SERINC2: variants seen among roughly 807,000 people sequenced by gnomAD.
SERINC2 encodes serine incorporator 2.
SERINC2 carries 56 observed loss-of-function variants against 54.2 expected under a neutral mutation model. The observed-to-expected ratio is 1.03, with a 90% confidence interval of 0.83 to 1.29. SERINC2 has a LOEUF of 1.29. SERINC2 is among the 50% of genes most tolerant of loss of function. The pLI is 0.00. For missense variants in SERINC2, 614 were observed against 607.4 expected, an observed-to-expected ratio of 1.01 and a Z score of -0.12; for synonymous variants, 272 against 253.1, an observed-to-expected ratio of 1.07 and a Z score of -0.71.
upstream of SERINC2, among the ~76,000 whole-genome samples, chr1:31,412,208 A>T (rs540725097): frequency 7.2e-5 from 11 of 152,218 alleles, no homozygotes; most frequent in Admixed American, 5.9e-4. Context: ...CCCTAACATT[A>T]TCTTGTCCAG....
chr1:31,432,442 G>A (rs1641332030), intron 8 of SERINC2, among the ~76,000 whole-genome samples: 1 of 151,994 alleles, frequency 6.6e-6, no homozygotes, highest in African/African-American at 2.4e-5. Flanking sequence ...TTTAGTGTAA[G>A]CATGAAGGAA....
intron 1 of SERINC2, among the ~76,000 whole-genome samples, chr1:31,416,698 T>G (rs1430239550): frequency 2.0e-5 from 3 of 152,312 alleles, no homozygotes; most frequent in Admixed American, 1.3e-4. Context: ...TCAAGGAGTT[T>G]GTATGTTATT....
rs1553133727 is a variant in SERINC2, at chr1:31,426,773, C to G, written c.730C>G (p.Leu244Val). The change falls in exon 6 of 10, where the codon CTC (leucine) becomes GTC (valine). Residue 244 changes from leucine (L) to valine (V), a missense_variant. Transcript: ENST00000373709. Reference protein sequence around the residue: ...HEGKVFISLNLTFCVCVSIAA... With the variant: ...HEGKVFISLNVTFCVCVSIAA... The stretch of plus-strand genomic sequence containing the variant: ...GGGCAAGGTCTTCATCAGCCTCAAC[C>G]TCACCTTCTGTGTCTGCGTGTCCAT... 6.2e-7 allele frequency: 1 copy of G among 1,614,172 alleles called. No homozygotes were observed. The highest frequency in any genetic ancestry group is 1.7e-5 in the Admixed American group (1 of 60,018).
chr1:31,426,153 T>C (rs1321820851), intron 5 of SERINC2: 1 of 505,010 alleles, frequency 2.0e-6, no homozygotes, highest in Non-Finnish European at 3.5e-6. Context: ...TGTTTGGGGG[T>C]TCCTGCAGGG....
rs572067699 is a variant in SERINC2 at position 31,425,316 on chromosome 1, G to A, written c.393-14G>A. 13 of 1,600,870 alleles carry A rather than the reference G, an allele frequency of 8.1e-6. No individual in the cohort carries two copies. Among genetic ancestry groups the A allele is most frequent in the African/African-American group, 1.3e-5 (1 of 74,888 alleles). On this transcript the variant is annotated splice_polypyrimidine_tract_variant and intron_variant, in intron 3 of 9. Transcript: ENST00000373709. ...CACTCAGCTTCCTTGTCCATTCCCCGACCCCTTCTGTAGGTTTTGGTTCTT... is the reference window on the plus strand; with the variant it reads ...CACTCAGCTTCCTTGTCCATTCCCCAACCCCTTCTGTAGGTTTTGGTTCTT...
chr1:31,427,231 AC>A (rs1472379719), intron 6 of SERINC2, among the ~76,000 whole-genome samples: 5 of 152,094 alleles, frequency 3.3e-5, no homozygotes, highest in Non-Finnish European at 7.4e-5. Context: ...ATTCCTAGAC[AC>A]CTCTGGAAGT....
chr1:31,430,885 G>A (rs963076320), intron 8 of SERINC2, among the ~76,000 whole-genome samples: 27 of 152,176 alleles, frequency 1.8e-4, no homozygotes, highest in African/African-American at 5.1e-4. Flanking sequence ...TGATCTCCCC[G>A]ATCCATCCAT....
intron 8 of SERINC2, among the ~76,000 whole-genome samples, chr1:31,431,099 C>T (rs1553134396): frequency 6.6e-6 from 1 of 151,400 alleles, no homozygotes; most frequent in Admixed American, 6.6e-5. Context: ...TCTCCTCTCC[C>T]CTCCCCTCCC....
At chr1:31,432,023 GGGTGGAC>G (rs1641261673) in intron 8 of SERINC2, among the ~76,000 whole-genome samples, 2 of 127,376 alleles carry the variant, frequency 1.6e-5, no homozygotes, top group African/African-American at 3.3e-5. Context: ...AGGGTGGACA[GGGTGGAC>G]AGGGTGGACA....
At chr1:31,432,066 C>CAGGGTGGTTAGGGTGGAT (rs1641273373) in intron 8 of SERINC2, among the ~76,000 whole-genome samples, 4 of 15,764 alleles carry the variant, frequency 2.5e-4, no homozygotes, top group Non-Finnish European at 4.7e-4. Flanking sequence ...ACAGGGTGGA[C>CAGGGTGGTTAGGGTGGAT]AGGGTGGACA....
intron 1 of SERINC2, among the ~76,000 whole-genome samples, chr1:31,418,866 C>G (rs560792577): frequency 3.3e-5 from 5 of 152,120 alleles, no homozygotes; most frequent in Non-Finnish European, 5.9e-5. Flanking sequence ...GTCTGCCTTG[C>G]CTTGGGAGGT....
chr1:31,410,164 G>T (rs1640624029), upstream of SERINC2: 2 of 1,432,874 alleles, frequency 1.4e-6, no homozygotes, highest in African/African-American at 1.4e-5. Flanking sequence ...GAGTGGTTGG[G>T]TGACTTGCCA....
Position 31,413,883 on chromosome 1 carries a change from G to A in SERINC2, c.39+579G>A. The stretch of plus-strand genomic sequence containing the variant: ...TTTGTCCGTCTGCTGTCTTCTGTCC[G>A]TCTGCCCGTCCGCCCGTCCGTCCCT... On this transcript the variant is annotated intron_variant, in intron 1 of 9. Transcript: ENST00000373709. The surrounding 1 kb of genome is among the most constrained non-coding windows in gnomAD (Gnocchi z 5.0). 1 of 1,446,694 alleles carries A rather than the reference G, an allele frequency of 6.9e-7. No homozygotes were observed. The highest frequency in any genetic ancestry group is 2.9e-5 in the East Asian group (1 of 34,346). 89.6% of individuals were successfully genotyped at this position (1,446,694 alleles called of 1,614,324 possible).
rs782350158 is a variant in SERINC2 at position 31,433,079 on chromosome 1, G to A, written c.1126G>A (p.Ala376Thr). 23 of 1,613,404 alleles carry A rather than the reference G, an allele frequency of 1.4e-5. No homozygotes were observed. The highest frequency in any genetic ancestry group is 1.7e-5 in the Non-Finnish European group (20 of 1,180,004). The change falls in exon 9 of 10, where the codon GCC becomes ACC. Residue 376 changes from alanine to threonine, a missense_variant. Coordinates refer to ENST00000373709, the MANE Select transcript of SERINC2 (RefSeq NM_178865.5). ...GCAGGTGGCAGCCTGTGAGGGCCGG[G>A]CCTTTGACAACGAGCAGGACGGCGT... ...QQQVAACEGR[A>T]FDNEQDGVTY...
chr1:31,431,776 A>C (rs61781663), intron 8 of SERINC2, among the ~76,000 whole-genome samples: 1 of 6,290 alleles, frequency 1.6e-4, no homozygotes. Context: ...GGAGAGGGTG[A>C]ATAGGGTGGA....
At chr1:31,432,186 GGTGGTTAGA>G (rs1365477581) in intron 8 of SERINC2, among the ~76,000 whole-genome samples, 57 of 146,140 alleles carry the variant, frequency 3.9e-4, no homozygotes, top group African/African-American at 6.1e-4. Flanking sequence ...GGGTGGATAG[GGTGGTTAGA>G]GTGGAGAGAG....
intron 8 of SERINC2, 117 bp from the exon 9 acceptor site, chr1:31,432,850 T>A: frequency 1.3e-6 from 1 of 744,998 alleles, no homozygotes. Context: ...AGCAGTTTGT[T>A]AACTCCCAGG....
chr1:31,413,226 C>CGCGCCCG lies in SERINC2; in HGVS notation c.-34_-28dup, dbSNP rs1640687411. On this transcript the variant is annotated 5_prime_UTR_variant, in exon 1 of 10. Coordinates refer to ENST00000373709, the MANE Select transcript of SERINC2 (RefSeq NM_178865.5). The surrounding 1 kb of genome is among the most constrained non-coding windows in gnomAD (Gnocchi z 5.0). ...CACCCGGATCCCGAGGTCCGCGCCC[C>CGCGCCCG]GCGCCCGGCGCCGGGCGCCCGAAGC... The CGCGCCCG allele has an allele frequency of 8.9e-7, 1 of 1,120,870 alleles. No homozygotes were observed. The highest frequency in any genetic ancestry group is 4.8e-5 in the East Asian group (1 of 21,022). The allele number at this position is 1,120,870 out of a possible 1,614,324, so 69.4% of individuals were successfully genotyped here.
chr1:31,414,117 T>G, intron 1 of SERINC2: 1 of 1,439,104 alleles, frequency 6.9e-7, no homozygotes, highest in Non-Finnish European at 9.1e-7. Flanking sequence ...AGAGCAGGAA[T>G]CGAGGGAGGT....
Sources: gnomAD v4.1 joint callset for allele counts (sites outside exome capture counted in the v4.1 genomes callset) on GRCh38, gnomAD v4.1.1 for gene constraint, Gnocchi (gnomAD v3.1) non-coding constraint, MANE v1.5 for transcripts, NCBI Gene and HGNC (gene_info 2026-07-23, HGNC 2026-07-21) for gene names.